PLPPR1: variants seen among roughly 807,000 people sequenced by gnomAD.
The protein encoded by PLPPR1 is phospholipid phosphatase related 1, also known as phospholipid phosphatase-related protein type 1.
PLPPR1 carries 10 observed loss-of-function variants against 33.1 expected under a neutral mutation model. The ratio of observed to expected loss-of-function variants is 0.30; its 90% CI spans 0.19 to 0.51. The LOEUF (loss-of-function observed/expected upper bound fraction) is 0.51, where lower values mean the gene tolerates loss of function less well. Ranked by LOEUF, PLPPR1 falls within the 20% of genes least tolerant of loss-of-function variation. The pLI, the probability that PLPPR1 is intolerant of heterozygous loss-of-function variation, is 0.97. For synonymous variants in PLPPR1, 151 were observed against 151.0 expected, an observed-to-expected ratio of 1.00 and a Z score of 0.00; for missense variants, 304 against 408.1, an observed-to-expected ratio of 0.74 and a Z score of 2.20.
intron 4 of PLPPR1, among the ~76,000 whole-genome samples, chr9:101,295,172 G>A (rs1828598656): frequency 6.6e-6 from 1 of 151,686 alleles, no homozygotes; most frequent in Non-Finnish European, 1.5e-5. Flanking sequence ...CAAACAGAGA[G>A]CCAAATCATG....
At chr9:101,156,370 C>G (rs1161097575) in intron 1 of PLPPR1, among the ~76,000 whole-genome samples, 1 of 151,696 alleles carries the variant, frequency 6.6e-6, no homozygotes, top group Non-Finnish European at 1.5e-5. Flanking sequence ...GGCAACATGG[C>G]AAACCCCCAT....
chr9:101,062,231 G>T (rs1340463311), intron 1 of PLPPR1, among the ~76,000 whole-genome samples: 1 of 151,328 alleles, frequency 6.6e-6, no homozygotes, highest in Admixed American at 6.6e-5. Flanking sequence ...GCAAATATCT[G>T]TCAAGGATCA....
intron 5 of PLPPR1, among the ~76,000 whole-genome samples, chr9:101,310,793 G>T (rs1358997213): frequency 6.6e-6 from 1 of 152,118 alleles, no homozygotes; most frequent in Non-Finnish European, 1.5e-5. Context: ...CATCGATAGG[G>T]TTATTTTGTC....
intron 1 of PLPPR1, among the ~76,000 whole-genome samples, chr9:101,123,310 G>A (rs932217895): frequency 4.6e-5 from 7 of 151,584 alleles, no homozygotes; most frequent in African/African-American, 1.7e-4. Context: ...AGGTCTCTGA[G>A]CTTGGAAATC....
intron 1 of PLPPR1, among the ~76,000 whole-genome samples, chr9:101,162,920 A>T (rs138416885): frequency 1.3e-5 from 2 of 152,178 alleles, no homozygotes; most frequent in East Asian, 3.9e-4. Context: ...TTCTCCTCCA[A>T]TCTCAAGAAT....
intron 1 of PLPPR1, among the ~76,000 whole-genome samples, chr9:101,157,456 A>T (rs1195442714): frequency 6.6e-6 from 1 of 152,206 alleles, no homozygotes; most frequent in Non-Finnish European, 1.5e-5. Context: ...TAAATTTAAA[A>T]GAGTCATCAA....
chr9:101,164,536 T>A (rs866932480), intron 1 of PLPPR1, among the ~76,000 whole-genome samples: 13 of 152,054 alleles, frequency 8.5e-5, no homozygotes, highest in South Asian at 2.1e-4. Context: ...CTAATTTTTT[T>A]AATGTATTTT....
chr9:101,157,344 G>A (rs1831709435), intron 1 of PLPPR1, among the ~76,000 whole-genome samples: 1 of 152,164 alleles, frequency 6.6e-6, no homozygotes, highest in Non-Finnish European at 1.5e-5. Context: ...GATTCTATGA[G>A]ATTTGAGCTC....
intron 2 of PLPPR1, among the ~76,000 whole-genome samples, chr9:101,257,511 T>G (rs1827823465): frequency 6.6e-6 from 1 of 152,118 alleles, no homozygotes. Context: ...TCACACCTCA[T>G]GCCAGAAGGG....
Position 101,085,259 on chromosome 9 carries a change from C to T in PLPPR1, c.-46+56157C>T, listed in dbSNP as rs190561794. ...GTCTCCAAGGCCCAGTGATACATTTCCTGCAATTTGGTTGTTCAACTATTT... is the reference window on the plus strand; with the variant it reads ...GTCTCCAAGGCCCAGTGATACATTTTCTGCAATTTGGTTGTTCAACTATTT... On this transcript the variant is annotated intron_variant, in intron 1 of 7. Transcript: ENST00000374874. Among the ~76,000 whole-genome samples the T allele has an allele frequency of 5.5e-3, 835 of 152,230 alleles. 4 individuals are homozygous for T. The highest frequency in any genetic ancestry group is 7.7e-3 in the Non-Finnish European group (523 of 68,002).
chr9:101,198,816 C>G (rs2118743240), intron 2 of PLPPR1, among the ~76,000 whole-genome samples: 1 of 152,250 alleles, frequency 6.6e-6, no homozygotes, highest in East Asian at 1.9e-4. Flanking sequence ...ATTTGAAGAG[C>G]TAAAAGAGTT....
chr9:101,094,849 T>A (rs946497), intron 1 of PLPPR1, among the ~76,000 whole-genome samples: 32,462 of 152,030 alleles, frequency 0.21, 3,687 homozygotes, highest in East Asian at 0.36. Flanking sequence ...TTGCTTCCAC[T>A]TTTTTCAGCT....
chr9:101,301,555 ACAAG>A (rs1828753234), intron 4 of PLPPR1, among the ~76,000 whole-genome samples: 1 of 152,222 alleles, frequency 6.6e-6, no homozygotes, highest in South Asian at 2.1e-4. Flanking sequence ...TCTGATCAAG[ACAAG>A]CAGGCTATTG....
intron 7 of PLPPR1, 113 bp from the exon 8 acceptor site, chr9:101,323,912 A>C: frequency 2.6e-6 from 2 of 754,772 alleles, no homozygotes; most frequent in Non-Finnish European, 4.4e-6. Flanking sequence ...AGGGGGACGG[A>C]ACAGCCTGTG....
intron 2 of PLPPR1, among the ~76,000 whole-genome samples, chr9:101,240,205 C>T (rs980903661): frequency 5.9e-5 from 9 of 151,646 alleles, no homozygotes; most frequent in East Asian, 3.9e-4. Context: ...CAGTTTACTC[C>T]GAATATGAGG....
Position 101,182,429 on chromosome 9 carries a change from TA to T in PLPPR1, c.-45-3019del, listed in dbSNP as rs765559382. Among the ~76,000 whole-genome samples, 5 of 151,976 alleles carry T rather than the reference TA, an allele frequency of 3.3e-5. No individual in the cohort carries two copies. In the East Asian group the frequency reaches 9.6e-4, roughly 29 times the overall value. On this transcript the variant is annotated intron_variant, in intron 1 of 7. Transcript: ENST00000374874. ...TAAGTACCTGAGGTGATACATTTGTTAATTATGCTGATTTAATCATTTCATA... is the reference window on the plus strand; with the variant it reads ...TAAGTACCTGAGGTGATACATTTGTTATTATGCTGATTTAATCATTTCATA...
chr9:101,061,159 A>G (rs1830343166), intron 1 of PLPPR1, among the ~76,000 whole-genome samples: 1 of 151,908 alleles, frequency 6.6e-6, no homozygotes, highest in Non-Finnish European at 1.5e-5. Flanking sequence ...TTACAAAAGC[A>G]GCATTACTCT....
chr9:101,317,948 A>C (rs533631043), intron 7 of PLPPR1, among the ~76,000 whole-genome samples: 1 of 152,354 alleles, frequency 6.6e-6, no homozygotes, highest in South Asian at 2.1e-4. Flanking sequence ...TCAATGCAAC[A>C]GTACCTCCTG....
In PLPPR1 at chr9:101,278,951, T is replaced by C. The variant is rs911277182; in HGVS notation, c.253-7153T>C. ...TCTGAATGGACTGTTGAAGAGCTTT[T>C]CCAGCAAAGCCAATCTGCAAAGACT... is the stretch of plus-strand genomic sequence containing the variant. On this transcript the variant is annotated intron_variant, in intron 3 of 7. Transcript: ENST00000374874. Among the ~76,000 whole-genome samples, 6 of 152,326 alleles carry C rather than the reference T, an allele frequency of 3.9e-5. No homozygotes were observed. In the East Asian group the frequency reaches 5.8e-4, roughly 15 times the overall value.
Sources: allele counts gnomAD v4.1 joint callset (sites outside exome capture counted in the v4.1 genomes callset), GRCh38; gene constraint gnomAD v4.1.1; transcripts MANE v1.5; gene names NCBI Gene and HGNC (gene_info 2026-07-23, HGNC 2026-07-21).